The following ATXN1 variants were observed in gnomAD, a reference collection of about 807,000 sequenced individuals.
ATXN1 encodes the protein ataxin-1.
In ATXN1, 8 loss-of-function variants were observed where a neutral mutation model predicts 56.4. The ratio of observed to expected loss-of-function variants is 0.14; its 90% CI spans 0.08 to 0.26. The LOEUF is 0.26. ATXN1 is among the 10% of genes least tolerant of loss of function. The pLI is 1.00. For missense variants in ATXN1, 987 were observed against 1,106.5 expected, an observed-to-expected ratio of 0.89 and a Z score of 1.53; for synonymous variants, 514 against 494.6, an observed-to-expected ratio of 1.04 and a Z score of -0.52.
At chr6:16,585,672 G>A (rs1367160325) in intron 4 of ATXN1, 108 bp downstream of exon 4, 2 of 152,122 alleles carry the variant, frequency 1.3e-5, no homozygotes, top group African/African-American at 4.8e-5. Context: ...TGTGTATGTT[G>A]TGTGTGTATG....
chr6:16,679,006 A>G (rs1758743932), intron 2 of ATXN1, among the ~76,000 whole-genome samples: 1 of 152,040 alleles, frequency 6.6e-6, no homozygotes, highest in African/African-American at 2.4e-5. Context: ...ACTGCACCCC[A>G]GCCTGGGCAA....
intron 5 of ATXN1, among the ~76,000 whole-genome samples, chr6:16,521,688 G>A (rs190782609): frequency 3.3e-5 from 5 of 152,354 alleles, no homozygotes; most frequent in African/African-American, 1.2e-4. Context: ...CGCGAGTCGG[G>A]TGTGTGGGTC....
At chr6:16,481,071 T>A (rs1760429218) in intron 6 of ATXN1, among the ~76,000 whole-genome samples, 1 of 152,074 alleles carries the variant, frequency 6.6e-6, no homozygotes, top group African/African-American at 2.4e-5. Context: ...GAGAAATGGG[T>A]GAAAGAGAAA....
intron 4 of ATXN1, among the ~76,000 whole-genome samples, chr6:16,528,791 T>C (rs151229715): frequency 9.8e-5 from 15 of 152,310 alleles, no homozygotes; most frequent in Admixed American, 7.2e-4. Context: ...GCTAGGTTTG[T>C]CTGGGTTTCA....
intron 5 of ATXN1, among the ~76,000 whole-genome samples, chr6:16,493,300 C>G (rs948874740): frequency 1.3e-5 from 2 of 152,106 alleles, no homozygotes; most frequent in East Asian, 3.9e-4. Context: ...ACTGAAGCAG[C>G]CACAGTGAGC....
At chr6:16,367,310 A>G (rs996289840) in intron 6 of ATXN1, among the ~76,000 whole-genome samples, 5 of 151,920 alleles carry the variant, frequency 3.3e-5, no homozygotes, top group African/African-American at 7.3e-5. Flanking sequence ...TATATTCAGC[A>G]CATCTTGCAG....
At chr6:16,605,717 A>C (rs1343574576) in intron 3 of ATXN1, among the ~76,000 whole-genome samples, 1 of 152,164 alleles carries the variant, frequency 6.6e-6, no homozygotes, top group Admixed American at 6.5e-5. Context: ...CAGTAGAAAA[A>C]TGCAGGTTAT....
intron 7 of ATXN1, among the ~76,000 whole-genome samples, chr6:16,319,369 A>C (rs1760592503): frequency 6.6e-6 from 1 of 152,266 alleles, no homozygotes; most frequent in Non-Finnish European, 1.5e-5. Context: ...GGATGATTCC[A>C]ACTGCATGGC....
At chr6:16,344,000 G>T (rs146558017) in intron 6 of ATXN1, among the ~76,000 whole-genome samples, 1 of 152,092 alleles carries the variant, frequency 6.6e-6, no homozygotes, top group Non-Finnish European at 1.5e-5. Flanking sequence ...TCTTATACTC[G>T]AGCGTGCGCA....
intron 6 of ATXN1, among the ~76,000 whole-genome samples, chr6:16,367,250 G>C (rs1040436625): frequency 3.9e-5 from 6 of 152,128 alleles, no homozygotes; most frequent in Non-Finnish European, 7.4e-5. Flanking sequence ...ATACTGGGGA[G>C]GGGGCAGAGA....
At chr6:16,544,631 G>A (rs1167190414) in intron 4 of ATXN1, among the ~76,000 whole-genome samples, 3 of 152,080 alleles carry the variant, frequency 2.0e-5, no homozygotes, top group African/African-American at 7.2e-5. Flanking sequence ...TATGGCACTG[G>A]GATTCAAGTG....
Position 16,326,834 on chromosome 6 carries a change from GGA to G in ATXN1, c.1475_1476del (p.Ile492ThrfsTer6), listed in dbSNP as rs1041037006. Reference protein sequence around the residue: ...LVIPGTQPLLIPVGSTDMEAS... With the variant: ...LVIPGTQPLLXPVGSTDMEAS... ...GCTTCCATGTCAGTGCTGCCGACCG[GGA>G]TGAGCAGGGGCTGTGTGCCGGGGAT... On this transcript the variant is annotated frameshift_variant, in exon 7 of 8. Coordinates refer to ENST00000436367, the MANE Select transcript of ATXN1 (RefSeq NM_001128164.2). LOFTEE classifies it high-confidence loss of function. This position sits in a 1 kb window ranked among gnomAD's most constrained non-coding sequence, Gnocchi z 6.6. The G allele has an allele frequency of 6.2e-7, 1 of 1,607,738 alleles. No individual in the cohort carries two copies. The highest frequency in any genetic ancestry group is 1.3e-5 in the African/African-American group (1 of 74,846).
intron 4 of ATXN1, among the ~76,000 whole-genome samples, chr6:16,557,249 C>T (rs559441070): frequency 6.6e-6 from 1 of 150,582 alleles, no homozygotes; most frequent in Non-Finnish European, 1.5e-5. Context: ...ATCGCTTGAA[C>T]CTGGGAGCCA....
chr6:16,528,429 C>T (rs913378990), intron 4 of ATXN1, among the ~76,000 whole-genome samples: 4 of 152,118 alleles, frequency 2.6e-5, no homozygotes, highest in Non-Finnish European at 4.4e-5. Context: ...TAAAACCATG[C>T]GGTTTAGATT....
chr6:16,530,097 CTG>C (rs1413228912), intron 4 of ATXN1, among the ~76,000 whole-genome samples: 2 of 152,156 alleles, frequency 1.3e-5, no homozygotes, highest in East Asian at 3.8e-4. Flanking sequence ...TGGTAGATAT[CTG>C]TTCTTAAGGA....
intron 6 of ATXN1, among the ~76,000 whole-genome samples, chr6:16,359,461 C>T (rs1581712726): frequency 6.6e-6 from 1 of 152,228 alleles, no homozygotes; most frequent in African/African-American, 2.4e-5. Flanking sequence ...GAGGAGTACC[C>T]TCTCTGCTGA....
intron 4 of ATXN1, among the ~76,000 whole-genome samples, chr6:16,564,086 C>T (rs915843653): frequency 6.6e-6 from 1 of 152,098 alleles, no homozygotes; most frequent in Non-Finnish European, 1.5e-5. Flanking sequence ...AGCTGAATGA[C>T]CTCCAGGCTT....
chr6:16,599,341 T>C (rs867881528), intron 3 of ATXN1, among the ~76,000 whole-genome samples: 4 of 152,096 alleles, frequency 2.6e-5, no homozygotes, highest in South Asian at 4.2e-4. Context: ...CTGAGAAGAC[T>C]TTTGAAATTT....
intron 5 of ATXN1, among the ~76,000 whole-genome samples, chr6:16,492,115 C>A (rs1285913103): frequency 6.6e-6 from 1 of 152,082 alleles, no homozygotes; most frequent in East Asian, 1.9e-4. Context: ...TAAGCCATGC[C>A]TGGACTTCGG....
Sources: allele counts gnomAD v4.1 joint callset (sites outside exome capture counted in the v4.1 genomes callset), GRCh38; gene constraint gnomAD v4.1.1; non-coding constraint Gnocchi (gnomAD v3.1); transcripts MANE v1.5; gene names NCBI Gene and HGNC (gene_info 2026-07-23, HGNC 2026-07-21).